The following PRKG1 variants were observed in gnomAD, a reference collection of about 807,000 sequenced individuals.
PRKG1 encodes cGMP-dependent protein kinase 1.
Under a neutral mutation model 88.1 loss-of-function variants are expected in PRKG1, and 35 were observed. The ratio of observed to expected loss-of-function variants is 0.40; its 90% CI spans 0.30 to 0.53. PRKG1 has a LOEUF of 0.53. PRKG1 is among the 20% of genes least tolerant of loss of function. The pLI, the probability that PRKG1 is intolerant of heterozygous loss-of-function variation, is 0.59. For missense variants in PRKG1, 540 were observed against 839.8 expected (o/e 0.64, Z 4.41); for synonymous variants, 303 against 292.5 (o/e 1.04, Z -0.37).
intron 1 of PRKG1, among the ~76,000 whole-genome samples, chr10:51,014,238 A>C (rs1373781956): frequency 6.6e-6 from 1 of 151,802 alleles, no homozygotes; most frequent in South Asian, 2.1e-4. Flanking sequence ...GAAGTGCACC[A>C]GGGCTTTAGG....
chr10:52,206,557 G>A (rs1452605526), intron 9 of PRKG1, among the ~76,000 whole-genome samples: 1 of 152,162 alleles, frequency 6.6e-6, no homozygotes, highest in African/African-American at 2.4e-5. Context: ...CTTAATCTTT[G>A]AAGTTGCTGT....
intron 7 of PRKG1, among the ~76,000 whole-genome samples, chr10:52,096,351 A>G (rs1847172436): frequency 1.3e-5 from 2 of 152,170 alleles, no homozygotes; most frequent in South Asian, 4.1e-4. Context: ...ACAGCCTGAC[A>G]TGGCAGCACC....
intron 9 of PRKG1, among the ~76,000 whole-genome samples, chr10:52,238,799 G>T (rs1840763881): frequency 6.6e-6 from 1 of 150,534 alleles, no homozygotes; most frequent in Admixed American, 6.6e-5. Flanking sequence ...AATACCATTT[G>T]ACCCAGCCAT....
rs529275812 is a variant in PRKG1 at position 51,137,699 on chromosome 10, A to G, written c.312-15465A>G. 2.6e-5 allele frequency among the ~76,000 whole-genome samples: 4 copies of G among 152,332 alleles called. No individual in the cohort carries two copies. The South Asian group carries it at 6.2e-4, about 24-fold the overall frequency. On this transcript the variant is annotated intron_variant, in intron 1 of 17. Transcript: ENST00000373980. ...TTTGGAAGTAATCATCACAAATCCC[A>G]TTGAAAGTTGGAGTGAATGAGGCAG...
chr10:52,042,084 A>G (rs2133231968), intron 5 of PRKG1, among the ~76,000 whole-genome samples: 1 of 152,288 alleles, frequency 6.6e-6, no homozygotes, highest in African/African-American at 2.4e-5. Context: ...ACAGAAGGAT[A>G]TTCTGTGTTC....
chr10:51,153,276 G>A lies in PRKG1; in HGVS notation c.424G>A (p.Asp142Asn). Residue 142 changes from aspartate (D) to asparagine (N), a missense_variant, in exon 2 of 18, where the codon GAC (aspartate) becomes AAC (asparagine). By Grantham distance (23) the Asp-to-Asn change is conservative. Coordinates refer to ENST00000373980, the MANE Select transcript of PRKG1 (RefSeq NM_006258.4). ...DCMYPVEYGK[D>N]SCIIKEGDVG... The stretch of plus-strand genomic sequence containing the variant: ...TATGTACCCGGTGGAGTATGGCAAG[G>A]ACAGTTGCATCATCAAAGAAGGAGA... 1 of 1,612,318 alleles carries A rather than the reference G, an allele frequency of 6.2e-7. No individual in the cohort carries two copies. The highest frequency in any genetic ancestry group is 8.5e-7 in the Non-Finnish European group (1 of 1,178,880).
chr10:51,403,151 A>G (rs1837802043), intron 2 of PRKG1, among the ~76,000 whole-genome samples: 1 of 152,194 alleles, frequency 6.6e-6, no homozygotes, highest in South Asian at 2.1e-4. Context: ...GAAAGAAGCC[A>G]CTTCTAGTCT....
chr10:52,067,485 C>T (rs886797797), intron 7 of PRKG1, among the ~76,000 whole-genome samples: 4 of 152,170 alleles, frequency 2.6e-5, no homozygotes, highest in African/African-American at 9.7e-5. Flanking sequence ...AATGTAAACT[C>T]AACACCCTTT....
intron 5 of PRKG1, among the ~76,000 whole-genome samples, chr10:52,011,887 G>C (rs1176010896): frequency 6.6e-6 from 1 of 152,116 alleles, no homozygotes; most frequent in East Asian, 1.9e-4. Context: ...TCTGATGGTT[G>C]TAAAAATGGG....
intron 3 of PRKG1, among the ~76,000 whole-genome samples, chr10:51,600,286 C>G (rs967496471): frequency 1.3e-5 from 2 of 152,100 alleles, no homozygotes; most frequent in African/African-American, 2.4e-5. Context: ...TATAGGTGGA[C>G]TCTACTTTCT....
chr10:52,004,846 G>T (rs965204033), intron 5 of PRKG1, among the ~76,000 whole-genome samples: 1 of 152,154 alleles, frequency 6.6e-6, no homozygotes, highest in Non-Finnish European at 1.5e-5. Context: ...AAGATTGCTT[G>T]AGCCCAGGAG....
intron 1 of PRKG1, among the ~76,000 whole-genome samples, chr10:51,122,476 C>T (rs1418890434): frequency 6.6e-6 from 1 of 152,066 alleles, no homozygotes; most frequent in African/African-American, 2.4e-5. Flanking sequence ...AAAACCTAAC[C>T]CATCTGGGTT....
intron 2 of PRKG1, among the ~76,000 whole-genome samples, chr10:51,266,813 G>A (rs1182155293): frequency 6.6e-6 from 1 of 152,138 alleles, no homozygotes. Context: ...AATACATCCT[G>A]TGTCTTTAAG....
chr10:51,873,751 A>C (rs761787643), intron 4 of PRKG1, among the ~76,000 whole-genome samples: 12 of 151,480 alleles, frequency 7.9e-5, no homozygotes, highest in Admixed American at 4.6e-4. Context: ...CTGGTCTTGA[A>C]CTCCTGGCCT....
chr10:51,767,220 C>T (rs988455404), intron 3 of PRKG1, among the ~76,000 whole-genome samples: 7 of 152,098 alleles, frequency 4.6e-5, no homozygotes, highest in African/African-American at 1.4e-4. Context: ...AGAAGATAGG[C>T]GGAGATTGGC....
chr10:51,738,300 CA>C (rs1837343601), intron 3 of PRKG1, among the ~76,000 whole-genome samples: 1 of 152,016 alleles, frequency 6.6e-6, no homozygotes, highest in Non-Finnish European at 1.5e-5. Flanking sequence ...TTTAGTCCTT[CA>C]AAAGGGACGT....
chr10:51,329,350 C>A (rs1000931488), intron 2 of PRKG1, among the ~76,000 whole-genome samples: 7 of 152,060 alleles, frequency 4.6e-5, no homozygotes, highest in African/African-American at 1.4e-4. Context: ...ACTCTTGGTG[C>A]CTTTGTCATA....
chr10:51,249,905 TGTGCTTAA>T (rs1839386098), intron 2 of PRKG1, among the ~76,000 whole-genome samples: 1 of 151,834 alleles, frequency 6.6e-6, no homozygotes, highest in South Asian at 2.1e-4. Flanking sequence ...AATGTCATAT[TGTGCTTAA>T]GTGCCTTTAA....
In PRKG1 at chr10:52,295,363, A is replaced by G. The variant is rs1335141667; in HGVS notation, c.*1463A>G. On this transcript the variant is annotated 3_prime_UTR_variant, in exon 18 of 18. Transcript: ENST00000373980. ...AATAAATTTTAAATAAAATAGAATT[A>G]CTACAATTCTGCAATTTCATACTAC... 1 of 152,060 alleles carries G rather than the reference A, an allele frequency of 6.6e-6. No individual in the cohort carries two copies. The highest frequency in any genetic ancestry group is 2.4e-5 in the African/African-American group (1 of 41,448). 9.4% of individuals were successfully genotyped at this position (152,060 alleles called of 1,614,324 possible).
Sources: allele counts gnomAD v4.1 joint callset (sites outside exome capture counted in the v4.1 genomes callset), GRCh38; gene constraint gnomAD v4.1.1; transcripts MANE v1.5; gene names NCBI Gene and HGNC (gene_info 2026-07-23, HGNC 2026-07-21).